The following SUGCT variants were observed in gnomAD, a reference collection of about 807,000 sequenced individuals.
SUGCT encodes the protein succinyl-CoA:glutarate-CoA transferase.
In SUGCT, 41 loss-of-function variants were observed where a neutral mutation model predicts 55.0. The ratio of observed to expected loss-of-function variants is 0.74; its 90% CI spans 0.58 to 0.97. The LOEUF (loss-of-function observed/expected upper bound fraction) is 0.97. Ranked by LOEUF, SUGCT falls within the 50% of genes least tolerant of loss-of-function variation. SUGCT has a pLI of 0.00. For missense variants in SUGCT, 568 were observed against 547.8 expected (o/e 1.04, Z -0.37); for synonymous variants, 187 against 200.4 (o/e 0.93, Z 0.56).
chr7:41,024,281 G>A, the SUGCT span, among the ~76,000 whole-genome samples: 8 of 152,144 alleles, frequency 5.3e-5, no homozygotes, highest in Non-Finnish European at 1.0e-4. Context: ...TATAAGCTTG[G>A]ATGGAGAAGG....
the SUGCT span, among the ~76,000 whole-genome samples, chr7:41,027,895 C>T: frequency 6.6e-6 from 1 of 152,212 alleles, no homozygotes; most frequent in Non-Finnish European, 1.5e-5. Context: ...GCATCCGAAA[C>T]AGTACAGATG....
intron 1 of SUGCT, among the ~76,000 whole-genome samples, chr7:40,163,611 A>G (rs1784284146): frequency 6.6e-6 from 1 of 151,866 alleles, no homozygotes; most frequent in South Asian, 2.1e-4. Flanking sequence ...TCTCAGAAAA[A>G]AAAAAAAAAA....
At chr7:41,029,167 T>C in the SUGCT span, among the ~76,000 whole-genome samples, 1 of 152,174 alleles carries the variant, frequency 6.6e-6, no homozygotes, top group South Asian at 2.1e-4. Flanking sequence ...TGCAGTGCGA[T>C]GACCTGAAAA....
At chr7:40,982,590 TA>T in the SUGCT span, among the ~76,000 whole-genome samples, 2 of 152,198 alleles carry the variant, frequency 1.3e-5, no homozygotes, top group African/African-American at 2.4e-5. Context: ...TCTAACTTGT[TA>T]AAAATATAGA....
intron 12 of SUGCT, among the ~76,000 whole-genome samples, chr7:40,545,891 T>C (rs993859290): frequency 2.0e-5 from 3 of 152,336 alleles, no homozygotes; most frequent in African/African-American, 7.2e-5. Flanking sequence ...CAATGCACTC[T>C]CTGTGGGCTT....
intron 12 of SUGCT, among the ~76,000 whole-genome samples, chr7:40,632,747 C>G (rs1325533819): frequency 6.6e-6 from 1 of 151,882 alleles, no homozygotes; most frequent in Non-Finnish European, 1.5e-5. Context: ...TTATTTTTCA[C>G]TACATCTTCA....
chr7:40,511,192 C>T (rs1445173159), intron 12 of SUGCT, among the ~76,000 whole-genome samples: 3 of 152,182 alleles, frequency 2.0e-5, no homozygotes, highest in Admixed American at 6.5e-5. Flanking sequence ...ATCCCGAGAG[C>T]GAACTTCCAT....
intron 12 of SUGCT, among the ~76,000 whole-genome samples, chr7:40,551,941 A>G (rs981200413): frequency 2.6e-5 from 4 of 152,176 alleles, no homozygotes; most frequent in Admixed American, 6.5e-5. Context: ...CAGCTCAATA[A>G]CAGAGCCTAT....
intron 7 of SUGCT, among the ~76,000 whole-genome samples, chr7:40,247,676 T>C (rs1789994264): frequency 6.6e-6 from 1 of 152,244 alleles, no homozygotes; most frequent in African/African-American, 2.4e-5. Flanking sequence ...TTTAGATATC[T>C]ATGTGAACTA....
At chr7:40,458,327 A>C (rs964531338) in intron 10 of SUGCT, among the ~76,000 whole-genome samples, 1 of 152,200 alleles carries the variant, frequency 6.6e-6, no homozygotes, top group African/African-American at 2.4e-5. Context: ...TTCCATTCCA[A>C]ATCCACTTGG....
intron 12 of SUGCT, among the ~76,000 whole-genome samples, chr7:40,555,207 GA>G (rs1295201328): frequency 6.6e-6 from 1 of 151,592 alleles, no homozygotes; most frequent in Non-Finnish European, 1.5e-5. Flanking sequence ...GGAAGATCAA[GA>G]ACTCTGAGAA....
intron 6 of SUGCT, among the ~76,000 whole-genome samples, chr7:40,197,894 A>G (rs1043933760): frequency 2.0e-5 from 3 of 152,230 alleles, no homozygotes; most frequent in Admixed American, 1.3e-4. Context: ...CACATTTATA[A>G]CTAACTGGTT....
chr7:40,263,373 C>T (rs1791355258), intron 7 of SUGCT, among the ~76,000 whole-genome samples: 1 of 152,302 alleles, frequency 6.6e-6, no homozygotes, highest in Middle Eastern at 3.4e-3. Flanking sequence ...GATCTGAATA[C>T]AGCTTATTAG....
intron 6 of SUGCT, among the ~76,000 whole-genome samples, chr7:40,236,202 C>T (rs1461551709): frequency 1.3e-5 from 2 of 151,904 alleles, no homozygotes; most frequent in African/African-American, 4.8e-5. Flanking sequence ...GGATTACAGG[C>T]GCCTACCACC....
chr7:40,949,830 C>A, the SUGCT span, among the ~76,000 whole-genome samples: 2 of 152,126 alleles, frequency 1.3e-5, no homozygotes, highest in Non-Finnish European at 2.9e-5. Flanking sequence ...GTTTTGGTAC[C>A]AGTACCATGC....
At chr7:40,951,336 T>A in the SUGCT span, among the ~76,000 whole-genome samples, 1 of 152,086 alleles carries the variant, frequency 6.6e-6, no homozygotes, top group Non-Finnish European at 1.5e-5. Flanking sequence ...TCTATTTGAT[T>A]CTTCTCTCTT....
At chr7:40,744,699 T>A (rs542847030) in intron 12 of SUGCT, among the ~76,000 whole-genome samples, 1 of 152,344 alleles carries the variant, frequency 6.6e-6, no homozygotes, top group South Asian at 2.1e-4. Flanking sequence ...GAGGATTAAA[T>A]GAATAAAGCT....
chr7:40,412,088 T>C (rs929947004), intron 9 of SUGCT, among the ~76,000 whole-genome samples: 22 of 152,154 alleles, frequency 1.4e-4, no homozygotes, highest in Non-Finnish European at 2.8e-4. Flanking sequence ...ATGGCAAATA[T>C]GATGTAAATG....
chr7:40,439,061 G>GGTATATATATGTGTGT, intron 9 of SUGCT, among the ~76,000 whole-genome samples: 1 of 51,896 alleles, frequency 1.9e-5, no homozygotes, highest in Non-Finnish European at 3.0e-5. Flanking sequence ...GTATATATAT[G>GGTATATATATGTGTGT]GTGTATATAT....
Sources: allele counts gnomAD v4.1 joint callset (sites outside exome capture counted in the v4.1 genomes callset), GRCh38; gene constraint gnomAD v4.1.1; transcripts MANE v1.5; gene names NCBI Gene and HGNC (gene_info 2026-07-23, HGNC 2026-07-21).